The following ADGRB3 variants were observed in gnomAD, a reference collection of about 807,000 sequenced individuals.
The protein encoded by ADGRB3 is adhesion G protein-coupled receptor B3.
ADGRB3 carries 37 observed loss-of-function variants against 193.4 expected under a neutral mutation model. The ratio of observed to expected loss-of-function variants is 0.19; its 90% CI spans 0.15 to 0.25. The LOEUF is 0.25. ADGRB3 is among the 10% of genes least tolerant of loss of function. ADGRB3 has a pLI of 1.00. For missense variants in ADGRB3, 1,637 were observed against 1,852.9 expected (o/e 0.88, Z 2.14); for synonymous variants, 690 against 644.2 (o/e 1.07, Z -1.08).
chr6:69,314,103 A>C (rs1768258835), intron 20 of ADGRB3, among the ~76,000 whole-genome samples: 1 of 151,752 alleles, frequency 6.6e-6, no homozygotes, highest in Admixed American at 6.6e-5. Flanking sequence ...ATAATGAAGC[A>C]TCTGCTGTGT....
chr6:69,335,942 A>G (rs1768835971), intron 24 of ADGRB3, among the ~76,000 whole-genome samples: 1 of 152,076 alleles, frequency 6.6e-6, no homozygotes, highest in Admixed American at 6.5e-5. Flanking sequence ...TGCTCAATAA[A>G]TATTTATAAG....
intron 17 of ADGRB3, among the ~76,000 whole-genome samples, chr6:69,154,407 A>T (rs1774772133): frequency 6.6e-6 from 1 of 152,136 alleles, no homozygotes; most frequent in Non-Finnish European, 1.5e-5. Flanking sequence ...GCCCTCCATG[A>T]TCCAGCCTCA....
chr6:68,908,650 A>C (rs1766615429), intron 3 of ADGRB3, among the ~76,000 whole-genome samples: 1 of 152,182 alleles, frequency 6.6e-6, no homozygotes, highest in Non-Finnish European at 1.5e-5. Context: ...TTAAGAAGTT[A>C]AACTCTCAAA....
At chr6:68,796,598 G>A (rs758092537) in intron 3 of ADGRB3, among the ~76,000 whole-genome samples, 4 of 152,138 alleles carry the variant, frequency 2.6e-5, no homozygotes, top group African/African-American at 9.7e-5. Context: ...GCCCATCTTT[G>A]AGGTTCACTG....
chr6:68,812,017 A>C (rs950702639), intron 3 of ADGRB3, among the ~76,000 whole-genome samples: 4 of 152,246 alleles, frequency 2.6e-5, no homozygotes, highest in Non-Finnish European at 5.9e-5. Flanking sequence ...ATGCCACATT[A>C]GAATTATTTA....
At chr6:68,855,160 C>G (rs1196199176) in intron 3 of ADGRB3, among the ~76,000 whole-genome samples, 1 of 152,156 alleles carries the variant, frequency 6.6e-6, no homozygotes, top group Non-Finnish European at 1.5e-5. Context: ...TTCTGTTTTA[C>G]TCTTTTTTGC....
chr6:68,921,148 G>A (rs193192780), intron 3 of ADGRB3, among the ~76,000 whole-genome samples: 53 of 152,222 alleles, frequency 3.5e-4, no homozygotes, highest in Non-Finnish European at 6.2e-4. Flanking sequence ...AAATAAGACA[G>A]AAGAGAAATG....
At chr6:69,056,106 A>G (rs1771539006) in intron 15 of ADGRB3, among the ~76,000 whole-genome samples, 1 of 152,098 alleles carries the variant, frequency 6.6e-6, no homozygotes, top group Non-Finnish European at 1.5e-5. Context: ...CTGAGATTAC[A>G]GACATGAGCC....
chr6:69,310,051 G>A (rs1453510750), intron 20 of ADGRB3, among the ~76,000 whole-genome samples: 1 of 151,634 alleles, frequency 6.6e-6, no homozygotes, highest in African/African-American at 2.4e-5. Context: ...AAAAATGAAG[G>A]GAGTTTCTCA....
chr6:68,718,884 C>T (rs1047957111), intron 3 of ADGRB3, among the ~76,000 whole-genome samples: 2 of 151,746 alleles, frequency 1.3e-5, no homozygotes, highest in African/African-American at 4.8e-5. Flanking sequence ...TTTGATGACA[C>T]ATTGTTTAAG....
chr6:69,212,617 C>T (rs1285906125), intron 17 of ADGRB3, among the ~76,000 whole-genome samples: 1 of 152,060 alleles, frequency 6.6e-6, no homozygotes, highest in Non-Finnish European at 1.5e-5. Flanking sequence ...GCTTGATTGT[C>T]CTGTTCCTTC....
At chr6:68,898,354 G>A (rs898307722) in intron 3 of ADGRB3, among the ~76,000 whole-genome samples, 1 of 151,970 alleles carries the variant, frequency 6.6e-6, no homozygotes, top group African/African-American at 2.4e-5. Flanking sequence ...ATGCCCACTC[G>A]AATTGGTGAG....
At chr6:69,308,240 T>A (rs1279977550) in intron 20 of ADGRB3, among the ~76,000 whole-genome samples, 1 of 151,502 alleles carries the variant, frequency 6.6e-6, no homozygotes, top group Non-Finnish European at 1.5e-5. Context: ...ACTGGACATG[T>A]TTTATTCATA....
Position 69,339,481 on chromosome 6 carries a change from G to A in ADGRB3, c.3436G>A (p.Val1146Ile), listed in dbSNP as rs539567711. The A allele has an allele frequency of 6.2e-7, 1 of 1,613,798 alleles. No homozygotes were observed. The highest frequency in any genetic ancestry group is 1.1e-5 in the South Asian group (1 of 91,064). The change falls in exon 26 of 32, where the codon GTC (valine) becomes ATC (isoleucine). Residue 1146 changes from valine to isoleucine, a missense_variant. Around this residue, in one of 7 missense-constraint regions of ADGRB3, gnomAD observed 116 missense variants for 168.1 expected, o/e 0.69. Coordinates refer to ENST00000370598, the MANE Select transcript of ADGRB3 (RefSeq NM_001704.3). ...ATTGCAAGGCTTTGTTATAGTCATG[G>A]TCCACTGCATTCTTCGGAGAGAGGT... The part of the protein sequence containing the change: ...DSLQGFVIVM[V>I]HCILRREVQD...
chr6:68,683,839 C>T (rs1205589291), intron 3 of ADGRB3, among the ~76,000 whole-genome samples: 1 of 152,072 alleles, frequency 6.6e-6, no homozygotes, highest in African/African-American at 2.4e-5. Context: ...TAAGGCATAG[C>T]AAATGCAGTG....
chr6:69,307,553 T>C (rs1768090657), intron 20 of ADGRB3, among the ~76,000 whole-genome samples: 1 of 151,796 alleles, frequency 6.6e-6, no homozygotes, highest in South Asian at 2.1e-4. Flanking sequence ...TCTGTGACAC[T>C]TTTGGAAATT....
intron 27 of ADGRB3, 53 bp from the exon 28 acceptor site, chr6:69,355,768 A>C (rs1769324595): frequency 2.1e-6 from 3 of 1,404,820 alleles, no homozygotes; most frequent in Non-Finnish European, 3.0e-6. Context: ...AGTAAAAGAC[A>C]CTTGAGGTCT....
intron 20 of ADGRB3, among the ~76,000 whole-genome samples, chr6:69,312,925 T>C (rs190894273): frequency 6.6e-6 from 1 of 151,822 alleles, no homozygotes; most frequent in Non-Finnish European, 1.5e-5. Context: ...TTATTGTTGT[T>C]AATACTTTTG....
chr6:68,685,551 A>G (rs1403729480), intron 3 of ADGRB3, among the ~76,000 whole-genome samples: 2 of 152,086 alleles, frequency 1.3e-5, no homozygotes, highest in African/African-American at 2.4e-5. Context: ...CAAACTTGAG[A>G]AAGTTATTCA....
Sources: allele counts gnomAD v4.1 joint callset (sites outside exome capture counted in the v4.1 genomes callset), GRCh38; gene constraint gnomAD v4.1.1; regional missense constraint gnomAD v4.1.1; transcripts MANE v1.5; gene names NCBI Gene and HGNC (gene_info 2026-07-23, HGNC 2026-07-21).